CRISP3: variants seen among roughly 807,000 people sequenced by gnomAD.
CRISP3 encodes cysteine rich secretory protein 3, also known as cysteine-rich secretory protein 3.
A neutral mutation model predicts 36.1 loss-of-function variants in CRISP3; 33 were observed. That is an observed-to-expected ratio of 0.91 (90% CI 0.69 to 1.22). CRISP3 has a LOEUF of 1.22. Among genes scored for constraint, CRISP3 ranks in the 50% most tolerant of loss-of-function variants. The pLI is 0.00. For missense variants in CRISP3, 330 were observed against 301.2 expected (o/e 1.10, Z -0.71); for synonymous variants, 117 against 104.6 (o/e 1.12, Z -0.72).
Position 49,737,399 on chromosome 6 carries a change from C to T in CRISP3, c.38-1G>A. 1 of 1,613,872 alleles carries T rather than the reference C, an allele frequency of 6.2e-7. No individual in the cohort carries two copies. Among genetic ancestry groups the T allele is most frequent in the Non-Finnish European group, 8.5e-7 (1 of 1,179,882 alleles). ...AACAGCACTGGGAATAATGTCATTG[C>T]TGGGAAAACAAAACCGGTGGAACAG... is the stretch of plus-strand genomic sequence containing the variant. On this transcript the variant is annotated splice_acceptor_variant, in intron 1 of 7. Coordinates refer to ENST00000263045, the MANE Select transcript of CRISP3 (RefSeq NM_006061.4). LOFTEE classifies it high-confidence loss of function.
At chr6:49,743,781 CT>C (rs148789642) in intron 1 of CRISP3, among the ~76,000 whole-genome samples, 13,233 of 148,108 alleles carry the variant, frequency 0.089, 747 homozygotes, top group East Asian at 0.18. Flanking sequence ...TTCTAAAAGC[CT>C]TTTTTTTTTG....
Position 49,728,358 on chromosome 6 carries a change from A to G in CRISP3, c.*372T>C, listed in dbSNP as rs919719028. ...AGCCAAGGGTTCATGTGAAAATTAT[A>G]TTGTTCTTTTTGTACATTTTGTTCT... On this transcript the variant is annotated 3_prime_UTR_variant, in exon 8 of 8. Coordinates refer to ENST00000263045, the MANE Select transcript of CRISP3 (RefSeq NM_006061.4). The G allele has an allele frequency of 3.2e-5, 5 of 156,208 alleles. No homozygotes were observed. Among genetic ancestry groups the G allele is most frequent in the African/African-American group, 1.2e-4 (5 of 41,598 alleles). The allele number at this position is 156,208 out of a possible 1,614,324, so 9.7% of individuals were successfully genotyped here. A position where few individuals can be genotyped will look rare whatever the true frequency, so the allele number is the denominator to read the frequency against.
At position 49,737,372 on chromosome 6, in the gene CRISP3, A is replaced by G. The variant is rs1358214739; in HGVS notation, c.64T>C (p.Phe22Leu). The G allele has an allele frequency of 6.2e-7, 1 of 1,613,902 alleles. No individual in the cohort carries two copies. Among genetic ancestry groups the G allele is most frequent in the Admixed American group, 1.7e-5 (1 of 59,970 alleles). ...TAMTLFPVLL[F>L]LVAGLLPSFP... The stretch of plus-strand genomic sequence containing the variant: ...GATGGAAGCAGCCCAGCAACCAGGA[A>G]CAACAGCACTGGGAATAATGTCATT... Residue 22 changes from phenylalanine to leucine, a missense_variant, in exon 2 of 8, where the codon TTC becomes CTC. Coordinates refer to ENST00000263045, the MANE Select transcript of CRISP3 (RefSeq NM_006061.4).
Position 49,733,891 on chromosome 6 carries a change from G to A in CRISP3, c.317-43C>T, listed in dbSNP as rs772472075. On this transcript the variant is annotated intron_variant, in intron 4 of 7. Transcript: ENST00000263045. ...ACTCATGAGGAAAGCAATAAAGCATGCAATGGCAAAATACACACAAACACA... is the reference window on the plus strand; with the variant it reads ...ACTCATGAGGAAAGCAATAAAGCATACAATGGCAAAATACACACAAACACA... The A allele has an allele frequency of 9.5e-6, 15 of 1,579,442 alleles. No individual in the cohort carries two copies. In the African/African-American group the frequency reaches 1.1e-4, roughly 11 times the overall value.
At chr6:49,741,838 T>C (rs1423072055) in intron 1 of CRISP3, among the ~76,000 whole-genome samples, 2 of 147,278 alleles carry the variant, frequency 1.4e-5, no homozygotes, top group African/African-American at 4.9e-5. Flanking sequence ...CATATATATA[T>C]ATATAATATA....
chr6:49,741,916 A>C (rs1769214873), intron 1 of CRISP3, among the ~76,000 whole-genome samples: 1 of 148,118 alleles, frequency 6.8e-6, no homozygotes, highest in Non-Finnish European at 1.5e-5. Flanking sequence ...TATATATAAA[A>C]TATTTGTAAC....
intron 1 of CRISP3, among the ~76,000 whole-genome samples, chr6:49,739,787 G>A (rs1393473089): frequency 6.6e-6 from 1 of 152,010 alleles, no homozygotes; most frequent in Non-Finnish European, 1.5e-5. Flanking sequence ...AGCCTCTCCT[G>A]TCATTCACTT....
intron 6 of CRISP3, 54 bp downstream of exon 6, chr6:49,733,141 A>G: frequency 1.0e-6 from 1 of 1,002,252 alleles, no homozygotes; most frequent in Non-Finnish European, 1.5e-6. Flanking sequence ...TTTTTTATTA[A>G]ATGTTAAATT....
At chr6:49,734,709 T>A (rs1387613600) in intron 4 of CRISP3, among the ~76,000 whole-genome samples, 2 of 152,146 alleles carry the variant, frequency 1.3e-5, no homozygotes, top group African/African-American at 4.8e-5. Flanking sequence ...ATTATAGTTT[T>A]ATATCAAAAA....
chr6:49,735,375 A>G, intron 4 of CRISP3, 129 bp downstream of exon 4: 1 of 660,428 alleles, frequency 1.5e-6, no homozygotes, highest in Non-Finnish European at 2.6e-6. Flanking sequence ...CTACATGTAG[A>G]TAGTCCATAT....
chr6:49,738,245 T>G (rs1313404466), intron 1 of CRISP3, among the ~76,000 whole-genome samples: 1 of 152,166 alleles, frequency 6.6e-6, no homozygotes, highest in Non-Finnish European at 1.5e-5. Context: ...AGCATAAAAT[T>G]TTCATCATGT....
chr6:49,729,598 C>T (rs1768864488), intron 7 of CRISP3, among the ~76,000 whole-genome samples: 1 of 152,146 alleles, frequency 6.6e-6, no homozygotes, highest in African/African-American at 2.4e-5. Context: ...CACCCAGTTT[C>T]AGAGAAATGA....
chr6:49,737,378 G>A lies in CRISP3; in HGVS notation c.58C>T (p.Leu20=), dbSNP rs151190811. 1,354 of 1,613,932 alleles carry A rather than the reference G, an allele frequency of 8.4e-4. 1 individual carries two copies. The highest frequency in any genetic ancestry group is 1.2e-3 in the Middle Eastern group (7 of 6,062). ...AGCAGCCCAGCAACCAGGAACAACA[G>A]CACTGGGAATAATGTCATTGCTGGG... ...ETTAMTLFPV[L]LFLVAGLLPS... The change falls in exon 2 of 8, where the codon CTG becomes TTG. Residue 20 remains leucine (L), a synonymous_variant. Transcript: ENST00000263045.
chr6:49,734,106 T>C lies in CRISP3; in HGVS notation c.317-258A>G, dbSNP rs114991610. ...AAACTTTGAGTAGATGGAGAAGCCT[T>C]TTTTCTTTAATGTCTGCTCTCCCTG... On this transcript the variant is annotated intron_variant, in intron 4 of 7. Transcript: ENST00000263045. Among the ~76,000 whole-genome samples, 136 of 152,250 alleles carry C rather than the reference T, an allele frequency of 8.9e-4. 3 individuals carry two copies. Among genetic ancestry groups the C allele is most frequent in the African/African-American group, 3.0e-3 (126 of 41,554 alleles).
rs1768906031 is a variant in CRISP3 at position 49,731,157 on chromosome 6, A to G, written c.649+6T>C. The G allele has an allele frequency of 6.3e-7, 1 of 1,575,986 alleles. No individual in the cohort carries two copies. The highest frequency in any genetic ancestry group is 1.4e-5 in the African/African-American group (1 of 73,638). ...TTTATTATCAAGTTAATCACTTCAA[A>G]CTTACTGCATAGTCCATCGTCACAG... is the stretch of plus-strand genomic sequence containing the variant. On this transcript the variant is annotated splice_donor_region_variant and intron_variant, in intron 7 of 7. Coordinates refer to ENST00000263045, the MANE Select transcript of CRISP3 (RefSeq NM_006061.4).
intron 2 of CRISP3, among the ~76,000 whole-genome samples, chr6:49,736,759 T>C (rs1014761721): frequency 2.6e-5 from 4 of 152,040 alleles, no homozygotes; most frequent in African/African-American, 9.7e-5. Flanking sequence ...AATTTCTGGG[T>C]TAAGAGAGGT....
At chr6:49,728,955 G>A (rs1768846445) in intron 7 of CRISP3, 98 bp from the exon 8 acceptor site, 2 of 1,149,474 alleles carry the variant, frequency 1.7e-6, no homozygotes, top group Non-Finnish European at 2.4e-6. Flanking sequence ...GTAGGGAAGT[G>A]AGCAAACAAG....
At chr6:49,737,496 T>C (rs765717908) in intron 1 of CRISP3, 98 bp from the exon 2 acceptor site, 134 of 1,205,752 alleles carry the variant, frequency 1.1e-4, no homozygotes, top group South Asian at 6.6e-4. Context: ...TGACCTCCAT[T>C]ATCCCAAATT....
chr6:49,737,313 C>T lies in CRISP3; in HGVS notation c.111+12G>A. ...CCTGAATTTTTCTGAAGATTTTTGA[C>T]TTCAACCATACCTTATCTTCATTTG... On this transcript the variant is annotated intron_variant, in intron 2 of 7. Coordinates refer to ENST00000263045, the MANE Select transcript of CRISP3 (RefSeq NM_006061.4). The T allele has an allele frequency of 1.9e-6, 3 of 1,612,062 alleles. No homozygotes were observed. Among genetic ancestry groups the T allele is most frequent in the East Asian group, 2.2e-5 (1 of 44,874 alleles).
Sources: gnomAD v4.1 joint callset for allele counts (sites outside exome capture counted in the v4.1 genomes callset) on GRCh38, gnomAD v4.1.1 for gene constraint, MANE v1.5 for transcripts, NCBI Gene and HGNC (gene_info 2026-07-23, HGNC 2026-07-21) for gene names.